The following NBPF14 variants were observed in gnomAD, a reference collection of about 807,000 sequenced individuals.
NBPF14 encodes NBPF family member NBPF14.
A neutral mutation model predicts 91.2 loss-of-function variants in NBPF14; 104 were observed. That is an observed-to-expected ratio of 1.14 (90% CI 0.97 to 1.34). The LOEUF is 1.34. Ranked by LOEUF, NBPF14 falls within the 40% of genes most tolerant of loss-of-function variation. The pLI is 0.00. For missense variants in NBPF14, 908 were observed against 783.0 expected, an observed-to-expected ratio of 1.16 and a Z score of -1.91; for synonymous variants, 294 against 303.8, an observed-to-expected ratio of 0.97 and a Z score of 0.34.
chr1:148,585,204 T>C, exon 10 of NBPF14: 2 of 1,585,950 alleles, frequency 1.3e-6, no homozygotes, highest in Non-Finnish European at 1.7e-6. Context: ...ATCGTCATCG[T>C]TGTCATTTTC....
At chr1:148,533,724 T>C in intron 70 of NBPF14, 137 bp downstream of exon 70, 1 of 732,112 alleles carries the variant, frequency 1.4e-6, no homozygotes, top group South Asian at 1.5e-5. Flanking sequence ...TCTACTGCAA[T>C]GAAAACCAAC....
Position 148,559,715 on chromosome 1 carries a change from A to C in NBPF14, c.4729+78T>G, listed in dbSNP as rs1326558740. ...GGCAATGACATCTCTCAGCTCAGTA[A>C]GGGCCACTTGCAGTAGGAATATGAC... is the stretch of plus-strand genomic sequence containing the variant. On this transcript the variant is annotated intron_variant, in intron 37 of 70. Transcript: ENST00000619423. The C allele has an allele frequency of 6.5e-6, 5 of 773,314 alleles. 1 individual carries two copies. Among genetic ancestry groups the C allele is most frequent in the South Asian group, 1.5e-5 (1 of 65,802 alleles). The allele number at this position is 773,314 out of a possible 1,614,324, so 47.9% of individuals were successfully genotyped here. A position where few individuals can be genotyped will look rare whatever the true frequency, so the allele number is the denominator to read the frequency against.
chr1:148,566,550 CACACACACAG>C (rs1658421599), intron 28 of NBPF14, among the ~76,000 whole-genome samples: 6 of 143,810 alleles, frequency 4.2e-5, no homozygotes, highest in African/African-American at 1.5e-4. Context: ...CAAACACACA[CACACACACAG>C]AGAACGAGCT....
chr1:148,532,576 A>T (rs1653894678), exon 71 of NBPF14: 1 of 138,496 alleles, frequency 7.2e-6, no homozygotes, highest in Non-Finnish European at 1.5e-5. Flanking sequence ...CAGCTAAAAC[A>T]AGCCAACACT....
chr1:148,578,984 C>T (rs1396840504), intron 13 of NBPF14, 90 bp downstream of exon 13: 36 of 644,982 alleles, frequency 5.6e-5, no homozygotes, highest in Non-Finnish European at 9.2e-5. Flanking sequence ...TGGCAAATCT[C>T]AGCCCAACAA....
chr1:148,561,806 C>CAA (rs1657814697), intron 34 of NBPF14, among the ~76,000 whole-genome samples: 2 of 136,260 alleles, frequency 1.5e-5, no homozygotes, highest in Non-Finnish European at 3.0e-5. Flanking sequence ...CACACAAACA[C>CAA]ACACACACAC....
exon 37 of NBPF14, chr1:148,559,945 T>G: frequency 7.2e-7 from 1 of 1,386,926 alleles, no homozygotes; most frequent in Non-Finnish European, 9.9e-7. Context: ...CCCTTTCTCA[T>G]GCAGCAGCTC....
At chr1:148,534,924 T>G in intron 68 of NBPF14, 68 bp from the exon 69 acceptor site, 1 of 736,074 alleles carries the variant, frequency 1.4e-6, no homozygotes, top group East Asian at 2.5e-5. Flanking sequence ...CCAGCTAGAT[T>G]TCATGGCTAA....
chr1:148,593,714 G>C lies in NBPF14; in HGVS notation c.176-14C>G. 6.6e-7 allele frequency: 1 copy of C among 1,505,634 alleles called. No homozygotes were observed. The highest frequency in any genetic ancestry group is 2.2e-5 in the East Asian group (1 of 44,556). The allele number at this position is 1,505,634 out of a possible 1,614,324, so 93.3% of individuals were successfully genotyped here. A position where few individuals can be genotyped will look rare whatever the true frequency, so the allele number is the denominator to read the frequency against. The stretch of plus-strand genomic sequence containing the variant: ...ACTCTTCATACTCTGAGAAAAGACA[G>C]ACACGCCTGCCTCAGTGGAAGGCTG... On this transcript the variant is annotated splice_polypyrimidine_tract_variant and intron_variant, in intron 2 of 70. Transcript: ENST00000619423.
Position 148,561,776 on chromosome 1 carries a change from G to GAC in NBPF14, c.4275-199_4275-198dup, listed in dbSNP as rs1179446616. On this transcript the variant is annotated intron_variant, in intron 34 of 70. Transcript: ENST00000619423. ...AAAGAATGAAAGAGAAAGACAGATAGACACACACACACACACACACACACA... is the reference window on the plus strand; with the variant it reads ...AAAGAATGAAAGAGAAAGACAGATAGACACACACACACACACACACACACACA... Among the ~76,000 whole-genome samples the GAC allele has an allele frequency of 5.0e-3, 567 of 114,072 alleles. 7 individuals carry two copies. The highest frequency in any genetic ancestry group is 0.042 in the East Asian group (153 of 3,646). 74.8% of individuals were successfully genotyped at this position (114,072 alleles called of 152,430 possible). A position where few individuals can be genotyped will look rare whatever the true frequency, so the allele number is the denominator to read the frequency against.
In NBPF14 at chr1:148,587,272, C is replaced by A; in HGVS notation, c.1091+29G>T. ...ACTTCAGAGATTTACACACCTGCCC[C>A]CCTGCCTGCCCCCATGGGGTCCCCT... On this transcript the variant is annotated intron_variant, in intron 8 of 70. Coordinates refer to ENST00000619423, the Ensembl canonical transcript of NBPF14. 3 of 1,533,960 alleles carry A rather than the reference C, an allele frequency of 2.0e-6. 1 individual carries two copies. Among genetic ancestry groups the A allele is most frequent in the Non-Finnish European group, 2.7e-6 (3 of 1,114,936 alleles).
intron 13 of NBPF14, among the ~76,000 whole-genome samples, chr1:148,578,831 G>A (rs1338184735): frequency 8.0e-5 from 12 of 150,020 alleles, no homozygotes; most frequent in East Asian, 2.0e-4. Context: ...GTTCAATGTC[G>A]TGACAGTCAG....
chr1:148,571,260 C>CAT (rs1659112049), intron 22 of NBPF14, among the ~76,000 whole-genome samples: 19 of 89,212 alleles, frequency 2.1e-4, no homozygotes, highest in Admixed American at 1.9e-3. Context: ...CACACACACA[C>CAT]ACACACACAC....
chr1:148,535,077 G>C lies in NBPF14; in HGVS notation c.8442-221C>G, dbSNP rs1356504937. Among the ~76,000 whole-genome samples, 4 of 146,432 alleles carry C rather than the reference G, an allele frequency of 2.7e-5. No homozygotes were observed. The South Asian group carries it at 6.4e-4, about 24-fold the overall frequency. On this transcript the variant is annotated intron_variant, in intron 68 of 70. Coordinates refer to ENST00000619423, the Ensembl canonical transcript of NBPF14. Reference sequence around the variant, plus strand: ...GAGGGAGAGAGAGAGAGAGGAGAAAGTGAGCTCAGCGAATTGGCCGGGTGA... The same window carrying C: ...GAGGGAGAGAGAGAGAGAGGAGAAACTGAGCTCAGCGAATTGGCCGGGTGA...
chr1:148,534,849 T>C, exon 69 of NBPF14: 1 of 1,016,976 alleles, frequency 9.8e-7, no homozygotes, highest in Non-Finnish European at 1.5e-6. Context: ...AGCAGCTCCC[T>C]GCTGAGCCTG....
At chr1:148,586,944 G>T (rs1189270458) in intron 8 of NBPF14, among the ~76,000 whole-genome samples, 1 of 144,662 alleles carries the variant, frequency 6.9e-6, no homozygotes, top group Non-Finnish European at 1.5e-5. Flanking sequence ...ATGAGAAGCC[G>T]CAGTCAGTCA....
At chr1:148,577,488 T>A in intron 14 of NBPF14, 133 bp from the exon 15 acceptor site, 1 of 705,020 alleles carries the variant, frequency 1.4e-6, no homozygotes, top group South Asian at 1.5e-5. Context: ...GGTAACAAAT[T>A]ATTGCCTTTA....
chr1:148,579,987 G>A (rs1173246956), intron 12 of NBPF14, among the ~76,000 whole-genome samples: 1 of 151,982 alleles, frequency 6.6e-6, no homozygotes, highest in African/African-American at 2.4e-5. Context: ...CCACAAAGGT[G>A]GGGAGAAACC....
In NBPF14 at chr1:148,587,053, G is replaced by A. The variant is rs1218307396; in HGVS notation, c.1091+248C>T. Among the ~76,000 whole-genome samples the A allele has an allele frequency of 2.0e-5, 3 of 147,510 alleles. 1 individual carries two copies. Among genetic ancestry groups the A allele is most frequent in the Non-Finnish European group, 4.6e-5 (3 of 65,920 alleles). On this transcript the variant is annotated intron_variant, in intron 8 of 70. Transcript: ENST00000619423. Reference sequence around the variant, plus strand: ...GGTTCACACTCCTTTGGTTAATTTTGTGTTATGTAAATTTCACATCAAAAA... The same window carrying A: ...GGTTCACACTCCTTTGGTTAATTTTATGTTATGTAAATTTCACATCAAAAA...
Sources: allele counts gnomAD v4.1 joint callset (sites outside exome capture counted in the v4.1 genomes callset), GRCh38; gene constraint gnomAD v4.1.1; transcripts MANE v1.5; gene names NCBI Gene and HGNC (gene_info 2026-07-23, HGNC 2026-07-21).